CNTNAP2: variants seen among roughly 807,000 people sequenced by gnomAD.
The protein encoded by CNTNAP2 is contactin associated protein 2, also known as contactin-associated protein-like 2.
CNTNAP2 carries 98 observed loss-of-function variants against 155.2 expected under a neutral mutation model. The observed-to-expected ratio is 0.63, with a 90% CI of 0.54 to 0.75. The LOEUF is 0.75. Ranked by LOEUF, CNTNAP2 falls within the 30% of genes least tolerant of loss-of-function variation. The probability of loss-of-function intolerance (pLI) is 0.00; values close to 1 mark genes in which losing one functional copy is unlikely to be tolerated. For synonymous variants in CNTNAP2, 651 were observed against 631.2 expected (o/e 1.03, Z -0.47); for missense variants, 1,727 against 1,688.1 (o/e 1.02, Z -0.40).
At chr7:146,971,630 T>C (rs2129233696) in intron 3 of CNTNAP2, among the ~76,000 whole-genome samples, 1 of 152,260 alleles carries the variant, frequency 6.6e-6, no homozygotes, top group South Asian at 2.1e-4. Flanking sequence ...GAGGGTCCTC[T>C]GGTGAGGGTC....
intron 21 of CNTNAP2, among the ~76,000 whole-genome samples, chr7:148,369,854 T>C (rs547741485): frequency 6.6e-6 from 1 of 152,148 alleles, no homozygotes; most frequent in Non-Finnish European, 1.5e-5. Context: ...AGGTTTTCGC[T>C]GATTTGAGCT....
intron 21 of CNTNAP2, among the ~76,000 whole-genome samples, chr7:148,346,411 A>G (rs1177922): frequency 0.33 from 49,819 of 152,084 alleles, 8,780 homozygotes; most frequent in Non-Finnish European, 0.4. Flanking sequence ...TTAGGAAAAA[A>G]GTATTGTTTC....
intron 3 of CNTNAP2, among the ~76,000 whole-genome samples, chr7:146,976,502 C>T (rs912621208): frequency 1.3e-5 from 2 of 152,106 alleles, no homozygotes; most frequent in Admixed American, 6.6e-5. Flanking sequence ...GAGTGGCTTA[C>T]AGAACTCAGG....
At chr7:146,163,511 A>C (rs1483696349) in intron 1 of CNTNAP2, among the ~76,000 whole-genome samples, 3 of 52,510 alleles carry the variant, frequency 5.7e-5, no homozygotes, top group East Asian at 2.7e-3. Flanking sequence ...ATATATCTAT[A>C]TATATCTATA....
intron 8 of CNTNAP2, among the ~76,000 whole-genome samples, chr7:147,208,079 A>G (rs991122659): frequency 3.8e-4 from 58 of 152,142 alleles, no homozygotes; most frequent in African/African-American, 1.4e-3. Flanking sequence ...CAGTACATGA[A>G]CATATTCCTT....
chr7:146,770,435 G>A (rs1802274338), intron 1 of CNTNAP2, among the ~76,000 whole-genome samples: 1 of 151,114 alleles, frequency 6.6e-6, no homozygotes, highest in Admixed American at 6.6e-5. Context: ...TGTCCTCCAG[G>A]GAAAAATATA....
chr7:147,602,194 C>T (rs1016669380), intron 12 of CNTNAP2, among the ~76,000 whole-genome samples: 1 of 151,790 alleles, frequency 6.6e-6, no homozygotes, highest in African/African-American at 2.4e-5. Flanking sequence ...AAAAAAAATG[C>T]TACCTGTTGA....
At chr7:147,568,397 A>G (rs1800218130) in intron 12 of CNTNAP2, among the ~76,000 whole-genome samples, 1 of 152,180 alleles carries the variant, frequency 6.6e-6, no homozygotes, top group Non-Finnish European at 1.5e-5. Flanking sequence ...GCTCAGAGCT[A>G]CATCTCTTGG....
At chr7:146,454,883 ATT>A (rs1429555273) in intron 1 of CNTNAP2, among the ~76,000 whole-genome samples, 1 of 152,154 alleles carries the variant, frequency 6.6e-6, no homozygotes, top group Non-Finnish European at 1.5e-5. Flanking sequence ...TAATGGAAAA[ATT>A]GTATTATACT....
At chr7:148,320,197 T>C (rs1045324646) in intron 21 of CNTNAP2, among the ~76,000 whole-genome samples, 1 of 152,078 alleles carries the variant, frequency 6.6e-6, no homozygotes, top group African/African-American at 2.4e-5. Context: ...CTGGGCCGTG[T>C]CACCAATCAC....
At position 147,070,284 on chromosome 7, in the gene CNTNAP2, C is replaced by T. The variant is rs150966681; in HGVS notation, c.550+26230C>T. Reference sequence around the variant, plus strand: ...TCTTTTGAGGGGGACTAGATTCATCCGAAACACTCAAATAAAAATATAAAT... The same window carrying T: ...TCTTTTGAGGGGGACTAGATTCATCTGAAACACTCAAATAAAAATATAAAT... On this transcript the variant is annotated intron_variant, in intron 4 of 23. Coordinates refer to ENST00000361727, the MANE Select transcript of CNTNAP2 (RefSeq NM_014141.6). Among the ~76,000 whole-genome samples the T allele has an allele frequency of 1.9e-4, 29 of 152,196 alleles. No individual in the cohort carries two copies. The East Asian group carries it at 4.6e-3, about 24-fold the overall frequency.
intron 1 of CNTNAP2, among the ~76,000 whole-genome samples, chr7:146,475,011 G>GTGCA (rs1796856001): frequency 7.4e-6 from 1 of 134,656 alleles, no homozygotes; most frequent in Non-Finnish European, 1.6e-5. Flanking sequence ...GCGCGCGCGC[G>GTGCA]CGCACACACA....
chr7:147,751,396 T>TAA (rs59271527), intron 13 of CNTNAP2, among the ~76,000 whole-genome samples: 5,870 of 144,382 alleles, frequency 0.041, 208 homozygotes, highest in Admixed American at 0.1. Context: ...TGAATTTAGT[T>TAA]AAAAAAAAAA....
At chr7:146,718,666 G>A (rs991898873) in intron 1 of CNTNAP2, among the ~76,000 whole-genome samples, 11 of 152,246 alleles carry the variant, frequency 7.2e-5, no homozygotes, top group East Asian at 1.9e-4. Flanking sequence ...TATTGTTGAA[G>A]TTTAGATAAG....
intron 4 of CNTNAP2, among the ~76,000 whole-genome samples, chr7:147,047,414 A>G (rs879652873): frequency 4.6e-5 from 7 of 151,490 alleles, no homozygotes; most frequent in African/African-American, 7.3e-5. Context: ...CTTATTGGTC[A>G]TACGTATACC....
chr7:146,137,563 A>T (rs868498648), intron 1 of CNTNAP2, among the ~76,000 whole-genome samples: 5 of 152,126 alleles, frequency 3.3e-5, no homozygotes, highest in Non-Finnish European at 5.9e-5. Flanking sequence ...TGTTATTTAC[A>T]AATTATAATT....
At chr7:146,704,518 G>A (rs1800930801) in intron 1 of CNTNAP2, among the ~76,000 whole-genome samples, 1 of 152,080 alleles carries the variant, frequency 6.6e-6, no homozygotes, top group African/African-American at 2.4e-5. Context: ...AATAGTTAAT[G>A]GCAAAGTTTG....
chr7:146,799,419 A>G (rs1421931834), intron 2 of CNTNAP2, among the ~76,000 whole-genome samples: 3 of 152,222 alleles, frequency 2.0e-5, no homozygotes, highest in African/African-American at 4.8e-5. Context: ...TCCAGCATAG[A>G]ATATGTGTCT....
At chr7:148,067,746 G>A (rs981247444) in intron 15 of CNTNAP2, among the ~76,000 whole-genome samples, 2 of 152,176 alleles carry the variant, frequency 1.3e-5, no homozygotes, top group African/African-American at 4.8e-5. Context: ...CAGCTGCCAG[G>A]GCAGGTAGGG....
Sources: allele counts gnomAD v4.1 joint callset (sites outside exome capture counted in the v4.1 genomes callset), GRCh38; gene constraint gnomAD v4.1.1; transcripts MANE v1.5; gene names NCBI Gene and HGNC (gene_info 2026-07-23, HGNC 2026-07-21).